The following NUDT18 variants were observed in gnomAD, a reference collection of about 807,000 sequenced individuals.
NUDT18 encodes nudix hydrolase 18.
A neutral mutation model predicts 27.6 loss-of-function variants in NUDT18; 26 were observed. That is an observed-to-expected ratio of 0.94 (90% CI 0.69 to 1.31). The LOEUF (loss-of-function observed/expected upper bound fraction) is 1.31, where lower values mean the gene tolerates loss of function less well. Ranked by LOEUF, NUDT18 falls within the 50% of genes most tolerant of loss-of-function variation. The pLI is 0.00. For missense variants in NUDT18, 450 were observed against 433.4 expected, an observed-to-expected ratio of 1.04 and a Z score of -0.34; for synonymous variants, 220 against 196.9, an observed-to-expected ratio of 1.12 and a Z score of -0.98.
chr8:22,109,369 G>GCTGCGTAGCCCGCTCCCAGTCC lies in NUDT18; in HGVS notation c.-70_-69insGGACTGGGAGCGGGCTACGCAG, dbSNP rs1554579081. The GCTGCGTAGCCCGCTCCCAGTCC allele has an allele frequency of 2.8e-6, 2 of 712,816 alleles. No homozygotes were observed. The highest frequency in any genetic ancestry group is 2.8e-5 in the African/African-American group (1 of 36,350). The allele number at this position is 712,816 out of a possible 1,614,324, so 44.2% of individuals were successfully genotyped here. A position where few individuals can be genotyped will look rare whatever the true frequency, so the allele number is the denominator to read the frequency against. Reference sequence around the variant, plus strand: ...TGAGCCGAGCCGCGGGCTAGAGTGCGCTGCGGAGCCCGCTCCCAGTCCCTG... The same window carrying GCTGCGTAGCCCGCTCCCAGTCC: ...TGAGCCGAGCCGCGGGCTAGAGTGCGCTGCGTAGCCCGCTCCCAGTCCCTGCGGAGCCCGCTCCCAGTCCCTG... On this transcript the variant is annotated 5_prime_UTR_variant, in exon 1 of 3. Coordinates refer to ENST00000611621, the MANE Select transcript of NUDT18 (RefSeq NM_024815.4).
chr8:22,109,378 C>CCCTCTCCCAGTCCCTGCGGAGA lies in NUDT18; in HGVS notation c.-79_-78insTCTCCGCAGGGACTGGGAGAGG. ...CCGCGGGCTAGAGTGCGCTGCGGAG[C>CCCTCTCCCAGTCCCTGCGGAGA]CCGCTCCCAGTCCCTGCGGCAGCGG... is the stretch of plus-strand genomic sequence containing the variant. On this transcript the variant is annotated 5_prime_UTR_variant, in exon 1 of 3. Coordinates refer to ENST00000611621, the MANE Select transcript of NUDT18 (RefSeq NM_024815.4). 2.5e-6 allele frequency: 3 copies of CCCTCTCCCAGTCCCTGCGGAGA among 1,195,272 alleles called. No homozygotes were observed. Among genetic ancestry groups the CCCTCTCCCAGTCCCTGCGGAGA allele is most frequent in the Non-Finnish European group, 2.1e-6 (2 of 931,082 alleles). 74.0% of individuals were successfully genotyped at this position (1,195,272 alleles called of 1,614,324 possible). A position where few individuals can be genotyped will look rare whatever the true frequency, so the allele number is the denominator to read the frequency against.
intron 1 of NUDT18, 121 bp downstream of exon 1, chr8:22,109,018 T>C: frequency 1.4e-6 from 1 of 712,498 alleles, no homozygotes; most frequent in East Asian, 3.5e-5. Context: ...GTGGGAGTGC[T>C]TTGCAAAACT....
chr8:22,110,171 G>T (rs141926839), upstream of NUDT18, among the ~76,000 whole-genome samples: 1,018 of 152,306 alleles, frequency 6.7e-3, 9 homozygotes, highest in African/African-American at 0.019. Context: ...GCAGCTCAAG[G>T]CCCTCTCTGC....
chr8:22,109,900 G>T (rs1294481981), upstream of NUDT18: 1 of 356,996 alleles, frequency 2.8e-6, no homozygotes, highest in Non-Finnish European at 5.7e-6. Flanking sequence ...AATGTCACAT[G>T]GCCCGTGGGG....
Position 22,107,265 on chromosome 8 carries a change from C to T in NUDT18, c.*35G>A, listed in dbSNP as rs377397833. 6.0e-5 allele frequency: 89 copies of T among 1,480,958 alleles called. No individual in the cohort carries two copies. In the Middle Eastern group the frequency reaches 9.0e-4, roughly 15 times the overall value. The allele number at this position is 1,480,958 out of a possible 1,614,324, so 91.7% of individuals were successfully genotyped here. A position where few individuals can be genotyped will look rare whatever the true frequency, so the allele number is the denominator to read the frequency against. On this transcript the variant is annotated 3_prime_UTR_variant, in exon 3 of 3. Transcript: ENST00000611621. ...AGACAAGTCCGCACTGGAGGGAGCA[C>T]GGCTGCCTAGCTCCCTGTCACCTCC...
rs757949590 is a variant in NUDT18, at chr8:22,107,309, C to T, written c.963G>A (p.Val321=). Residue 321 remains valine, a synonymous_variant, in exon 3 of 3, where the codon GTG becomes GTA. Coordinates refer to ENST00000611621, the MANE Select transcript of NUDT18 (RefSeq NM_024815.4). ...QRLQGSSVVP[V]NR ...CACCTCCCCCACCTCTCTATCTGTT[C>T]ACTGGGACAACAGAGGATCCCTGAA... 2.2e-5 allele frequency: 35 copies of T among 1,599,462 alleles called. No individual in the cohort carries two copies. Among genetic ancestry groups the T allele is most frequent in the African/African-American group, 2.7e-5 (2 of 74,674 alleles).
At position 22,109,369 on chromosome 8, in the gene NUDT18, G is replaced by GGAGCCCGCTCCCAGTCC; in HGVS notation, c.-70_-69insGGACTGGGAGCGGGCTC. The GGAGCCCGCTCCCAGTCC allele has an allele frequency of 1.4e-6, 1 of 712,746 alleles. No homozygotes were observed. The highest frequency in any genetic ancestry group is 1.8e-6 in the Non-Finnish European group (1 of 557,186). 44.2% of individuals were successfully genotyped at this position (712,746 alleles called of 1,614,324 possible). ...TGAGCCGAGCCGCGGGCTAGAGTGC[G>GGAGCCCGCTCCCAGTCC]CTGCGGAGCCCGCTCCCAGTCCCTG... On this transcript the variant is annotated 5_prime_UTR_variant, in exon 1 of 3. Coordinates refer to ENST00000611621, the MANE Select transcript of NUDT18 (RefSeq NM_024815.4).
chr8:22,108,271 G>T lies in NUDT18; in HGVS notation c.238C>A (p.Pro80Thr). Reference protein sequence around the residue: ...SWYLPAGRMEPGETIVEALQR... With the variant: ...SWYLPAGRMETGETIVEALQR... ...AGCGCCTCCACGATGGTCTCCCCTG[G>T]CTCCATTCTCCCCGCAGGCAGGTAC... Residue 80 changes from proline (P) to threonine (T), a missense_variant, in exon 2 of 3, where the codon CCA becomes ACA. Coordinates refer to ENST00000611621, the MANE Select transcript of NUDT18 (RefSeq NM_024815.4). 1.3e-6 allele frequency: 2 copies of T among 1,596,778 alleles called. No individual in the cohort carries two copies. The highest frequency in any genetic ancestry group is 2.3e-5 in the South Asian group (2 of 87,952).
In NUDT18 at chr8:22,107,588, A is replaced by AC; in HGVS notation, c.683dup (p.Gly229TrpfsTer38). The AC allele has an allele frequency of 1.2e-6, 2 of 1,612,918 alleles. No individual in the cohort carries two copies. Among genetic ancestry groups the AC allele is most frequent in the Non-Finnish European group, 1.7e-6 (2 of 1,179,826 alleles). On this transcript the variant is annotated frameshift_variant, in exon 3 of 3. Coordinates refer to ENST00000611621, the MANE Select transcript of NUDT18 (RefSeq NM_024815.4). LOFTEE classifies it high-confidence loss of function. The stretch of plus-strand genomic sequence containing the variant: ...GCCGCAGGACGGCCATCTTCATGCC[A>AC]CCCCTCTGCTCCATAGGGTCGAGGC...
At position 22,109,378 on chromosome 8, in the gene NUDT18, C is replaced by CCTGCTCCCAGTCCCTGCGGAGA. The variant is rs1563610952; in HGVS notation, c.-79_-78insTCTCCGCAGGGACTGGGAGCAG. The CCTGCTCCCAGTCCCTGCGGAGA allele has an allele frequency of 2.5e-6, 3 of 1,195,282 alleles. No individual in the cohort carries two copies. Among genetic ancestry groups the CCTGCTCCCAGTCCCTGCGGAGA allele is most frequent in the Non-Finnish European group, 3.2e-6 (3 of 931,130 alleles). The allele number at this position is 1,195,282 out of a possible 1,614,324, so 74.0% of individuals were successfully genotyped here. ...CCGCGGGCTAGAGTGCGCTGCGGAG[C>CCTGCTCCCAGTCCCTGCGGAGA]CCGCTCCCAGTCCCTGCGGCAGCGG... On this transcript the variant is annotated 5_prime_UTR_variant, in exon 1 of 3. Transcript: ENST00000611621.
At chr8:22,108,003 AG>A in intron 2 of NUDT18, 108 bp from the exon 3 acceptor site, 1 of 1,347,634 alleles carries the variant, frequency 7.4e-7, no homozygotes. Context: ...CCCAGCCCAA[AG>A]GCTGGAATCT....
upstream of NUDT18, chr8:22,109,572 T>C (rs550560483): frequency 9.7e-4 from 508 of 525,284 alleles, 7 homozygotes; most frequent in South Asian, 7.1e-3. Context: ...GGGGCACGGG[T>C]CCGGAGCCCA....
rs1375076388 is a variant in NUDT18, at chr8:22,106,947, C to T, written c.*353G>A. On this transcript the variant is annotated 3_prime_UTR_variant, in exon 3 of 3. Transcript: ENST00000611621. ...ACCTTCCCCAGTGCCCCTCCATGCT[C>T]GAAGGGCCTGGAAGGATCAGAATGC... The T allele has an allele frequency of 1.0e-5, 2 of 200,972 alleles. No homozygotes were observed. Among genetic ancestry groups the T allele is most frequent in the Non-Finnish European group, 2.0e-5 (2 of 99,324 alleles). The allele number at this position is 200,972 out of a possible 1,614,324, so 12.4% of individuals were successfully genotyped here.
intron 2 of NUDT18, 114 bp from the exon 3 acceptor site, chr8:22,108,009 G>A: frequency 7.4e-7 from 1 of 1,359,110 alleles, no homozygotes; most frequent in Non-Finnish European, 9.8e-7. Context: ...CCAAAGGCTG[G>A]AATCTGCCCA....
rs1193749018 is a variant in NUDT18, at chr8:22,107,174, GA to G, written c.*125del. The G allele has an allele frequency of 1.4e-6, 1 of 690,462 alleles. No homozygotes were observed. Among genetic ancestry groups the G allele is most frequent in the East Asian group, 2.7e-5 (1 of 36,746 alleles). 42.8% of individuals were successfully genotyped at this position (690,462 alleles called of 1,614,324 possible). A position where few individuals can be genotyped will look rare whatever the true frequency, so the allele number is the denominator to read the frequency against. On this transcript the variant is annotated 3_prime_UTR_variant, in exon 3 of 3. Coordinates refer to ENST00000611621, the MANE Select transcript of NUDT18 (RefSeq NM_024815.4). ...TCAAAGCATCTCTCCTGGGGACCAG[GA>G]GAGCCGCCCCTGCTCCCAATGCAAC...
intron 2 of NUDT18, 114 bp from the exon 3 acceptor site, chr8:22,108,009 G>T: frequency 7.4e-7 from 1 of 1,359,108 alleles, no homozygotes; most frequent in Non-Finnish European, 9.8e-7. Flanking sequence ...CCAAAGGCTG[G>T]AATCTGCCCA....
At position 22,107,856 on chromosome 8, in the gene NUDT18, G is replaced by A; in HGVS notation, c.416C>T (p.Ser139Phe). The change falls in exon 3 of 3, where the codon TCC becomes TTC. Residue 139 changes from serine to phenylalanine, a missense_variant. Transcript: ENST00000611621. Reference protein sequence around the residue: ...LKTSKEADAESLQAAWYPRTS... With the variant: ...LKTSKEADAEFLQAAWYPRTS... ...CCGTGGGTACCAGGCAGCCTGCAGG[G>A]ACTCCGCATCGGCCTCCTTGGAAGT... 1 of 1,603,278 alleles carries A rather than the reference G, an allele frequency of 6.2e-7. No homozygotes were observed. Among genetic ancestry groups the A allele is most frequent in the Non-Finnish European group, 8.5e-7 (1 of 1,173,722 alleles).
rs1272300169 is a variant in NUDT18, at chr8:22,107,270, G to A, written c.*30C>T. 1 of 1,516,554 alleles carries A rather than the reference G, an allele frequency of 6.6e-7. No individual in the cohort carries two copies. Among genetic ancestry groups the A allele is most frequent in the Non-Finnish European group, 8.9e-7 (1 of 1,121,392 alleles). 93.9% of individuals were successfully genotyped at this position (1,516,554 alleles called of 1,614,324 possible). ...AGTCCGCACTGGAGGGAGCACGGCTGCCTAGCTCCCTGTCACCTCCCCCAC... is the reference window on the plus strand; with the variant it reads ...AGTCCGCACTGGAGGGAGCACGGCTACCTAGCTCCCTGTCACCTCCCCCAC... On this transcript the variant is annotated 3_prime_UTR_variant, in exon 3 of 3. Coordinates refer to ENST00000611621, the MANE Select transcript of NUDT18 (RefSeq NM_024815.4).
Position 22,109,395 on chromosome 8 carries a change from C to CGGAGACCGCTCCCAGTCCCTGT in NUDT18, c.-96_-95insACAGGGACTGGGAGCGGTCTCC, listed in dbSNP as rs1826430047. On this transcript the variant is annotated 5_prime_UTR_variant, in exon 1 of 3. Coordinates refer to ENST00000611621, the MANE Select transcript of NUDT18 (RefSeq NM_024815.4). ...CTGCGGAGCCCGCTCCCAGTCCCTGCGGCAGCGGGCCGGGAGCTCACGAGA... is the reference window on the plus strand; with the variant it reads ...CTGCGGAGCCCGCTCCCAGTCCCTGCGGAGACCGCTCCCAGTCCCTGTGGCAGCGGGCCGGGAGCTCACGAGA... 21 of 1,200,578 alleles carry CGGAGACCGCTCCCAGTCCCTGT rather than the reference C, an allele frequency of 1.7e-5. No homozygotes were observed. The highest frequency in any genetic ancestry group is 2.3e-5 in the Non-Finnish European group (21 of 929,812). 74.4% of individuals were successfully genotyped at this position (1,200,578 alleles called of 1,614,324 possible).
Sources: gnomAD v4.1 joint callset for allele counts (sites outside exome capture counted in the v4.1 genomes callset) on GRCh38, gnomAD v4.1.1 for gene constraint, MANE v1.5 for transcripts, NCBI Gene and HGNC (gene_info 2026-07-23, HGNC 2026-07-21) for gene names.